The following GPHN variants were observed in gnomAD, a reference collection of about 807,000 sequenced individuals.
GPHN encodes gephyrin.
GPHN carries 17 observed loss-of-function variants against 95.5 expected under a neutral mutation model. The ratio of observed to expected loss-of-function variants is 0.18; its 90% CI spans 0.12 to 0.27. The LOEUF (loss-of-function observed/expected upper bound fraction) is 0.27, where lower values mean the gene tolerates loss of function less well. GPHN is among the 10% of genes least tolerant of loss of function. The pLI is 1.00. For missense variants in GPHN, 660 were observed against 978.1 expected (o/e 0.67, Z 4.34); for synonymous variants, 320 against 322.5 (o/e 0.99, Z 0.08).
chr14:67,214,484 G>A, the GPHN span, among the ~76,000 whole-genome samples: 2 of 152,094 alleles, frequency 1.3e-5, no homozygotes, highest in African/African-American at 4.8e-5. Flanking sequence ...GTAGACGTGC[G>A]GCGTTATTTC....
At chr14:67,585,605 G>A in the GPHN span, 1 of 1,585,484 alleles carries the variant, frequency 6.3e-7, no homozygotes, top group Non-Finnish European at 8.6e-7. Flanking sequence ...GCTCTGGTGT[G>A]GATTGCTGTG....
chr14:66,758,327 A>G (rs983935674), intron 2 of GPHN, among the ~76,000 whole-genome samples: 4 of 152,276 alleles, frequency 2.6e-5, no homozygotes, highest in East Asian at 1.9e-4. Flanking sequence ...GCTGCCTCCT[A>G]TCACTCTAAT....
At chr14:66,716,362 T>A (rs569216159) in intron 2 of GPHN, among the ~76,000 whole-genome samples, 173 of 152,322 alleles carry the variant, frequency 1.1e-3, no homozygotes, top group South Asian at 2.1e-3. Flanking sequence ...AAATGCCCTT[T>A]TCCAACCTTT....
intron 2 of GPHN, among the ~76,000 whole-genome samples, chr14:66,705,140 C>A (rs1442203549): frequency 6.6e-6 from 1 of 152,206 alleles, no homozygotes; most frequent in African/African-American, 2.4e-5. Flanking sequence ...CTGAATTGAC[C>A]AATAACAAGT....
At chr14:66,529,252 A>G (rs7141147) in intron 1 of GPHN, among the ~76,000 whole-genome samples, 44 of 151,964 alleles carry the variant, frequency 2.9e-4, no homozygotes, top group African/African-American at 7.0e-4. Flanking sequence ...TGCTTGATCA[A>G]TTCGGCTGTT....
intron 13 of GPHN, among the ~76,000 whole-genome samples, chr14:67,102,763 C>T (rs2077786170): frequency 6.6e-6 from 1 of 152,348 alleles, no homozygotes. Context: ...CCATGCCTTT[C>T]TTCCTTGGCT....
the GPHN span, chr14:67,725,216 C>T: frequency 1.2e-6 from 2 of 1,613,860 alleles, no homozygotes; most frequent in Non-Finnish European, 1.7e-6. Context: ...CTATCCGACA[C>T]CAAATCTATC....
intron 5 of GPHN, among the ~76,000 whole-genome samples, chr14:66,913,828 C>A (rs2065787867): frequency 6.6e-6 from 1 of 152,060 alleles, no homozygotes; most frequent in Admixed American, 6.6e-5. Context: ...TATGCTAAAA[C>A]TTTGGTGCTT....
At chr14:66,959,947 AT>A (rs934858070) in intron 8 of GPHN, among the ~76,000 whole-genome samples, 17 of 150,216 alleles carry the variant, frequency 1.1e-4, no homozygotes, top group South Asian at 1.1e-3. Context: ...ATTTTCCTTT[AT>A]TTTTTTTCTT....
intron 9 of GPHN, among the ~76,000 whole-genome samples, chr14:67,023,155 G>T (rs2073746782): frequency 6.6e-6 from 1 of 151,960 alleles, no homozygotes; most frequent in Non-Finnish European, 1.5e-5. Flanking sequence ...AGAATCAAAT[G>T]TAAATGTTAT....
chr14:67,152,522 C>T (rs1176765522), intron 18 of GPHN, among the ~76,000 whole-genome samples: 1 of 152,078 alleles, frequency 6.6e-6, no homozygotes, highest in African/African-American at 2.4e-5. Context: ...AAAGAATATA[C>T]CCATTTCAGC....
At chr14:67,433,747 T>C in the GPHN span, among the ~76,000 whole-genome samples, 26 of 152,250 alleles carry the variant, frequency 1.7e-4, no homozygotes, top group Admixed American at 1.4e-3. Flanking sequence ...AGAGACATAC[T>C]CTACAGAAAC....
At chr14:67,136,177 A>T (rs1185148695) in intron 17 of GPHN, among the ~76,000 whole-genome samples, 1 of 152,188 alleles carries the variant, frequency 6.6e-6, no homozygotes, top group African/African-American at 2.4e-5. Context: ...GGTTGCTGGT[A>T]TTTTCCTCTC....
At chr14:67,501,069 TA>T in the GPHN span, among the ~76,000 whole-genome samples, 1 of 147,786 alleles carries the variant, frequency 6.8e-6, no homozygotes, top group African/African-American at 2.5e-5. Context: ...ATAATAATAA[TA>T]ATAATAATAA....
At chr14:67,185,157 A>G (rs1406962106), downstream of GPHN, among the ~76,000 whole-genome samples, 1 of 152,240 alleles carries the variant, frequency 6.6e-6, no homozygotes, top group Admixed American at 6.5e-5. Flanking sequence ...AAGACACAAA[A>G]TAGTAGCATG....
the GPHN span, chr14:67,729,745 G>C: frequency 2.0e-6 from 1 of 507,038 alleles, no homozygotes; most frequent in Non-Finnish European, 3.9e-6. Flanking sequence ...ATACCAATTA[G>C]CACAAAGTGC....
At position 67,005,741 on chromosome 14, in the gene GPHN, T is replaced by A. The variant is rs17103813; in HGVS notation, c.964-17892T>A. Among the ~76,000 whole-genome samples the A allele has an allele frequency of 3.0e-3, 453 of 152,128 alleles. 3 individuals carry two copies. Among genetic ancestry groups the A allele is most frequent in the African/African-American group, 0.01 (436 of 41,562 alleles). On this transcript the variant is annotated intron_variant, in intron 9 of 22. Coordinates refer to ENST00000478722, the MANE Select transcript of GPHN (RefSeq NM_020806.5). ...TATGTGTTTTTGCATCACTTTCGAA[T>A]CTACCTTTTAAAGTGAATTTGACTT...
the GPHN span, among the ~76,000 whole-genome samples, chr14:67,701,180 G>GTATA: frequency 4.0e-5 from 6 of 151,870 alleles, no homozygotes; most frequent in African/African-American, 1.2e-4. Flanking sequence ...GTGCAGCGAG[G>GTATA]TATAGCACAA....
At chr14:67,052,352 A>AAAAAG (rs531828598) in intron 10 of GPHN, among the ~76,000 whole-genome samples, 130 of 151,558 alleles carry the variant, frequency 8.6e-4, no homozygotes, top group African/African-American at 1.8e-3. Flanking sequence ...AAAAAAAAAA[A>AAAAAG]GATCAAAAAA....
Sources: allele counts gnomAD v4.1 joint callset (sites outside exome capture counted in the v4.1 genomes callset), GRCh38; gene constraint gnomAD v4.1.1; transcripts MANE v1.5; gene names NCBI Gene and HGNC (gene_info 2026-07-23, HGNC 2026-07-21).